WDR5: variants seen among roughly 807,000 people sequenced by gnomAD.
The protein encoded by WDR5 is WD repeat-containing protein 5.
For missense variants in WDR5, 187 were observed against 416.9 expected, an observed-to-expected ratio of 0.45 and a Z score of 4.80; for synonymous variants, 144 against 161.6, an observed-to-expected ratio of 0.89 and a Z score of 0.83.
At chr9:134,135,392 C>CT (rs1831489946), upstream of WDR5, 1 of 152,172 alleles carries the variant, frequency 6.6e-6, no homozygotes, top group South Asian at 2.1e-4. Flanking sequence ...GGAGCGGGCG[C>CT]GGGTGACTCC....
chr9:134,136,360 C>T (rs1480348850), intron 1 of WDR5, among the ~76,000 whole-genome samples, 160 bp downstream of exon 1: 5 of 150,786 alleles, frequency 3.3e-5, no homozygotes, highest in Non-Finnish European at 7.4e-5. Context: ...CGCCCGGGAC[C>T]CCCGCCCCGG....
At chr9:134,145,757 C>T (rs1157851684) in intron 7 of WDR5, among the ~76,000 whole-genome samples, 1 of 152,140 alleles carries the variant, frequency 6.6e-6, no homozygotes, top group African/African-American at 2.4e-5. Context: ...TGCCGACCCC[C>T]ATCATCCACA....
At chr9:134,156,681 C>CT (rs1331398533) in intron 13 of WDR5, 88 bp downstream of exon 13, 18 of 1,353,416 alleles carry the variant, frequency 1.3e-5, no homozygotes, top group Non-Finnish European at 1.9e-5. Flanking sequence ...CGTAGGGTGC[C>CT]GTCGTCTTCC....
In WDR5 at chr9:134,152,109, C is replaced by T. The variant is rs532518137; in HGVS notation, c.631+80C>T. On this transcript the variant is annotated intron_variant, in intron 9 of 13. Transcript: ENST00000358625. ...GTTCACTGCCCCTGTTCTTCACCAGCTCCTCCTCCCTCCTCTGCCCTGGGT... is the reference window on the plus strand; with the variant it reads ...GTTCACTGCCCCTGTTCTTCACCAGTTCCTCCTCCCTCCTCTGCCCTGGGT... 2.7e-5 allele frequency: 40 copies of T among 1,480,812 alleles called. No homozygotes were observed. In the African/African-American group the frequency reaches 4.1e-4, roughly 15 times the overall value. 91.7% of individuals were successfully genotyped at this position (1,480,812 alleles called of 1,614,324 possible).
intron 1 of WDR5, among the ~76,000 whole-genome samples, chr9:134,136,478 A>C (rs1340756272): frequency 1.3e-5 from 2 of 151,794 alleles, no homozygotes; most frequent in Admixed American, 6.5e-5. Flanking sequence ...GAGCGCCGGC[A>C]CTGGGTCCTC....
chr9:134,136,969 G>A (rs35726748), intron 1 of WDR5, among the ~76,000 whole-genome samples: 1,626 of 152,332 alleles, frequency 0.011, 18 homozygotes, highest in Middle Eastern at 0.024. Flanking sequence ...GGACCCAGGC[G>A]GGGAGCCTGT....
At chr9:134,151,565 A>C (rs1339543025) in intron 8 of WDR5, among the ~76,000 whole-genome samples, 2 of 152,114 alleles carry the variant, frequency 1.3e-5, no homozygotes, top group South Asian at 2.1e-4. Context: ...CAATACTCTT[A>C]AATTTTTGTT....
rs745672366 is a variant in WDR5, at chr9:134,154,550, TGCGTGGGACTGTGGGG to T, written c.707+13_707+28del. The T allele has an allele frequency of 1.9e-6, 3 of 1,613,912 alleles. No homozygotes were observed. The South Asian group carries it at 3.3e-5, about 18-fold the overall frequency. ...GCCGCCACGCTGGACAAGTGAGTAC[TGCGTGGGACTGTGGGG>T]GCGGGCATGTGGCCTCCCCAGCCAG... On this transcript the variant is annotated intron_variant, in intron 10 of 13. Coordinates refer to ENST00000358625, the MANE Select transcript of WDR5 (RefSeq NM_017588.3).
upstream of WDR5, chr9:134,135,522 CCGG>C (rs1028805832): frequency 6.6e-6 from 1 of 152,270 alleles, no homozygotes; most frequent in Non-Finnish European, 1.5e-5. Flanking sequence ...AAGGCGCAGC[CCGG>C]GCTTCCGAAC....
At chr9:134,146,711 T>C (rs1832222033) in intron 7 of WDR5, among the ~76,000 whole-genome samples, 1 of 152,264 alleles carries the variant, frequency 6.6e-6, no homozygotes, top group African/African-American at 2.4e-5. Context: ...AGCATGGAGT[T>C]GGCCTTGTGA....
chr9:134,145,096 G>GTTTTTTGTTTGTT (rs1316019740), intron 7 of WDR5, among the ~76,000 whole-genome samples: 1 of 104,664 alleles, frequency 9.6e-6, no homozygotes, highest in Non-Finnish European at 1.8e-5. Flanking sequence ...GTGGGGCTTT[G>GTTTTTTGTTTGTT]TTTTTTTTTT....
intron 7 of WDR5, among the ~76,000 whole-genome samples, chr9:134,145,694 C>T (rs1832155980): frequency 6.6e-6 from 1 of 152,198 alleles, no homozygotes; most frequent in African/African-American, 2.4e-5. Context: ...TCCCTGTCCC[C>T]TCTCTGGCCA....
At chr9:134,139,788 C>T in intron 1 of WDR5, 32 bp from the exon 2 acceptor site, 1 of 1,399,230 alleles carries the variant, frequency 7.1e-7, no homozygotes, top group East Asian at 2.3e-5. Flanking sequence ...TAGTTTGTTT[C>T]TTGGCTCCCT....
intron 4 of WDR5, 62 bp downstream of exon 4, chr9:134,141,645 G>A (rs1588169448): frequency 6.5e-7 from 1 of 1,539,820 alleles, no homozygotes; most frequent in East Asian, 2.3e-5. Context: ...GTGATCAAGG[G>A]GTCAGGGCTG....
intron 7 of WDR5, among the ~76,000 whole-genome samples, chr9:134,146,316 C>T (rs1305044227): frequency 6.6e-6 from 1 of 151,548 alleles, no homozygotes; most frequent in Non-Finnish European, 1.5e-5. Context: ...CTCACTGCAA[C>T]CTCCGCCTCC....
intron 7 of WDR5, among the ~76,000 whole-genome samples, chr9:134,143,586 T>G (rs1464072612): frequency 8.7e-5 from 13 of 150,192 alleles, no homozygotes; most frequent in Non-Finnish European, 1.6e-4. Flanking sequence ...GAGTGCAGTG[T>G]TGCGATCTCG....
intron 7 of WDR5, among the ~76,000 whole-genome samples, chr9:134,147,685 T>C (rs923765698): frequency 6.6e-6 from 1 of 152,196 alleles, no homozygotes; most frequent in African/African-American, 2.4e-5. Flanking sequence ...ACCCATAGCC[T>C]GAGACAAGAT....
intron 10 of WDR5, among the ~76,000 whole-genome samples, 180 bp from the exon 11 acceptor site, chr9:134,155,160 G>A (rs971651910): frequency 6.6e-6 from 1 of 152,230 alleles, no homozygotes; most frequent in African/African-American, 2.4e-5. Context: ...GCTCTCAGAC[G>A]CCAAGTCACT....
chr9:134,147,448 G>A (rs28508246), intron 7 of WDR5, among the ~76,000 whole-genome samples: 54,910 of 152,042 alleles, frequency 0.36, 11,094 homozygotes, highest in Non-Finnish European at 0.46. Context: ...AGACATTTTT[G>A]GTTGTCAGAG....
Sources: allele counts gnomAD v4.1 joint callset (sites outside exome capture counted in the v4.1 genomes callset), GRCh38; gene constraint gnomAD v4.1.1; transcripts MANE v1.5; gene names NCBI Gene and HGNC (gene_info 2026-07-23, HGNC 2026-07-21).